The following GNB3 variants were observed in gnomAD, a reference collection of about 807,000 sequenced individuals.
GNB3 encodes the protein G protein subunit beta 3, also known as guanine nucleotide-binding protein G(I)/G(S)/G(T) subunit beta-3.
GNB3 carries 33 observed loss-of-function variants against 41.2 expected under a neutral mutation model. That is an observed-to-expected ratio of 0.80 (90% CI 0.61 to 1.07). The LOEUF (loss-of-function observed/expected upper bound fraction) is 1.07. GNB3 is among the 50% of genes least tolerant of loss of function. GNB3 has a pLI of 0.00. For missense variants in GNB3, 409 were observed against 455.3 expected (o/e 0.90, Z 0.92); for synonymous variants, 172 against 173.4 (o/e 0.99, Z 0.06).
chr12:6,843,949 G>A lies in GNB3; in HGVS notation c.670G>A (p.Gly224Ser). ...GGGGACCTGCCGTCAGACTTTCACT[G>A]GCCACGAGTCGGACATCAACGCCAT... is the stretch of plus-strand genomic sequence containing the variant. ...REGTCRQTFTGHESDINAICF... is the reference protein window; with the variant it reads ...REGTCRQTFTSHESDINAICF... The change falls in exon 8 of 10, where the codon GGC (glycine) becomes AGC (serine). Residue 224 changes from glycine (G) to serine (S), a missense_variant. Transcript: ENST00000229264. The surrounding 1 kb of genome is among the most constrained non-coding windows in gnomAD (Gnocchi z 5.9). 2 of 1,613,396 alleles carry A rather than the reference G, an allele frequency of 1.2e-6. No homozygotes were observed. The highest frequency in any genetic ancestry group is 8.5e-7 in the Non-Finnish European group (1 of 1,179,556).
At chr12:6,841,963 T>G in intron 3 of GNB3, 1 of 435,964 alleles carries the variant, frequency 2.3e-6, no homozygotes, top group East Asian at 5.0e-5. Context: ...ATTTTGTCAA[T>G]TCTAAGATGC....
At chr12:6,845,494 G>T (rs1943669479) in intron 8 of GNB3, 92 bp from the exon 9 acceptor site, 3 of 818,198 alleles carry the variant, frequency 3.7e-6, no homozygotes, top group Non-Finnish European at 6.0e-6. Flanking sequence ...GCAGCGGCTT[G>T]CCCTGGAGCT....
intron 1 of GNB3, 109 bp from the exon 2 acceptor site, chr12:6,841,149 G>A (rs1943566083): frequency 9.9e-6 from 7 of 707,036 alleles, no homozygotes; most frequent in Non-Finnish European, 1.7e-5. Context: ...TGGGGAGAGG[G>A]TGCAGCCACC....
At position 6,843,085 on chromosome 12, in the gene GNB3, TGGG is replaced by T. The variant is rs545677946; in HGVS notation, c.203+14_203+16del. 8 of 1,604,028 alleles carry T rather than the reference TGGG, an allele frequency of 5.0e-6. No individual in the cohort carries two copies. Among genetic ancestry groups the T allele is most frequent in the Non-Finnish European group, 5.1e-6 (6 of 1,171,990 alleles). On this transcript the variant is annotated intron_variant, in intron 4 of 9. Coordinates refer to ENST00000229264, the MANE Select transcript of GNB3 (RefSeq NM_002075.4). This position sits in a 1 kb window ranked among gnomAD's most constrained non-coding sequence, Gnocchi z 5.9. ...TGGGCCACTGATTCTAAGTGAGGCT[TGGG>T]GGGGAACCGAGAATGGGAGGGTGAG...
intron 2 of GNB3, 29 bp downstream of exon 2, chr12:6,841,373 C>T (rs782242015): frequency 6.9e-6 from 11 of 1,600,482 alleles, no homozygotes; most frequent in South Asian, 6.7e-5. Context: ...CCCTGGGGCC[C>T]CAGAAAACAG....
chr12:6,845,937 C>T lies in GNB3; in HGVS notation c.916+135C>T, dbSNP rs1233872103. 5 of 675,218 alleles carry T rather than the reference C, an allele frequency of 7.4e-6. No homozygotes were observed. The African/African-American group carries it at 8.9e-5, about 12-fold the overall frequency. The allele number at this position is 675,218 out of a possible 1,614,324, so 41.8% of individuals were successfully genotyped here. On this transcript the variant is annotated intron_variant, in intron 9 of 9. Coordinates refer to ENST00000229264, the MANE Select transcript of GNB3 (RefSeq NM_002075.4). ...TCCCTTGTCACTGGGTGACTCCACC[C>T]CTGGAATCCAGTACCCCTTGGTTCC...
Position 6,845,632 on chromosome 12 carries a change from C to T in GNB3, c.746C>T (p.Ser249Phe). 2 of 1,613,716 alleles carry T rather than the reference C, an allele frequency of 1.2e-6. No individual in the cohort carries two copies. The highest frequency in any genetic ancestry group is 1.7e-6 in the Non-Finnish European group (2 of 1,179,978). Residue 249 changes from serine (S) to phenylalanine (F), a missense_variant, in exon 9 of 10, where the codon TCC becomes TTC. By Grantham distance (155) the Ser-to-Phe change is radical. Transcript: ENST00000229264. The stretch of plus-strand genomic sequence containing the variant: ...ATCTGCACGGGCTCGGATGACGCTT[C>T]CTGCCGCTTGTTTGACCTGCGGGCA... ...EAICTGSDDASCRLFDLRADQ... is the reference protein window; with the variant it reads ...EAICTGSDDAFCRLFDLRADQ...
chr12:6,841,368 G>C, intron 2 of GNB3, 24 bp downstream of exon 2: 5 of 1,607,810 alleles, frequency 3.1e-6, no homozygotes, highest in Non-Finnish European at 4.3e-6. Context: ...CCTACCCCTG[G>C]GGCCCCAGAA....
At position 6,841,640 on chromosome 12, in the gene GNB3, C is replaced by G. The variant is rs371123230; in HGVS notation, c.96+16C>G. 1,768 of 1,603,880 alleles carry G rather than the reference C, an allele frequency of 1.1e-3. 1 individual carries two copies. Among genetic ancestry groups the G allele is most frequent in the Non-Finnish European group, 1.4e-3 (1,666 of 1,172,000 alleles). The stretch of plus-strand genomic sequence containing the variant: ...TCTGGCAGAGGTAAGACCCCCTGTC[C>G]CCCGGAAGGCAGGGCATGGGGGGAG... On this transcript the variant is annotated intron_variant, in intron 3 of 9. Transcript: ENST00000229264.
chr12:6,842,830 G>C (rs945034424), intron 3 of GNB3, 140 bp from the exon 4 acceptor site: 2 of 584,162 alleles, frequency 3.4e-6, no homozygotes, highest in African/African-American at 3.7e-5. Context: ...GACACTCCAG[G>C]GCAGAGACTT....
chr12:6,841,666 G>A (rs375208427), intron 3 of GNB3, 42 bp downstream of exon 3: 92 of 1,516,222 alleles, frequency 6.1e-5, no homozygotes, highest in Non-Finnish European at 7.9e-5. Flanking sequence ...ATGGGGGGAG[G>A]GGAAGGGAGC....
At position 6,843,188 on chromosome 12, in the gene GNB3, C is replaced by T; in HGVS notation, c.218C>T (p.Ala73Val). 6.2e-7 allele frequency: 1 copy of T among 1,613,876 alleles called. No homozygotes were observed. The part of the protein sequence containing the change: ...WATDSKLLVS[A>V]SQDGKLIVWD... ...CCTCTCCCCAGGCTGCTGGTAAGTG[C>T]CTCGCAAGATGGGAAGCTGATCGTG... is the stretch of plus-strand genomic sequence containing the variant. The change falls in exon 5 of 10, where the codon GCC (alanine) becomes GTC (valine). Residue 73 changes from alanine (A) to valine (V), a missense_variant. Ala to Val is a moderately conservative substitution (Grantham distance 64, BLOSUM62 0). Transcript: ENST00000229264. This position sits in a 1 kb window ranked among gnomAD's most constrained non-coding sequence, Gnocchi z 5.9.
Position 6,844,091 on chromosome 12 carries a change from GTATTTTTTTT to G in GNB3, c.699+115_699+124del, listed in dbSNP as rs1186271758. 2.2e-4 allele frequency: 56 copies of G among 258,824 alleles called. No homozygotes were observed. Among genetic ancestry groups the G allele is most frequent in the African/African-American group, 1.6e-3 (37 of 23,406 alleles). 16.0% of individuals were successfully genotyped at this position (258,824 alleles called of 1,614,324 possible). A position where few individuals can be genotyped will look rare whatever the true frequency, so the allele number is the denominator to read the frequency against. ...ATAGCTTCCCTAGCCCTTTCTTACTGTATTTTTTTTTTTTTTTTTTTTTTTTTTGAGACAG... is the reference window on the plus strand; with the variant it reads ...ATAGCTTCCCTAGCCCTTTCTTACTGTTTTTTTTTTTTTTTTTTGAGACAG... On this transcript the variant is annotated intron_variant, in intron 8 of 9. Transcript: ENST00000229264.
intron 9 of GNB3, 86 bp downstream of exon 9, chr12:6,845,888 C>T: frequency 2.2e-6 from 2 of 906,774 alleles, no homozygotes; most frequent in Non-Finnish European, 3.6e-6. Flanking sequence ...CCATCAGCTC[C>T]CATTTCGGAC....
chr12:6,841,750 A>C lies in GNB3; in HGVS notation c.96+126A>C, dbSNP rs781977411. ...CTTGGAGTGAGGAAACCCATTAATT[A>C]ATTCATTCGACCAACATTTTAGCGG... On this transcript the variant is annotated intron_variant, in intron 3 of 9. Coordinates refer to ENST00000229264, the MANE Select transcript of GNB3 (RefSeq NM_002075.4). 1.1e-5 allele frequency: 8 copies of C among 754,174 alleles called. No individual in the cohort carries two copies. The South Asian group carries it at 1.2e-4, about 11-fold the overall frequency. The allele number at this position is 754,174 out of a possible 1,614,324, so 46.7% of individuals were successfully genotyped here. A position where few individuals can be genotyped will look rare whatever the true frequency, so the allele number is the denominator to read the frequency against.
At position 6,843,802 on chromosome 12, in the gene GNB3, C is replaced by T; in HGVS notation, c.523C>T (p.Gln175Ter). 6.2e-7 allele frequency: 1 copy of T among 1,614,028 alleles called. No individual in the cohort carries two copies. The highest frequency in any genetic ancestry group is 1.1e-5 in the South Asian group (1 of 91,082). The change falls in exon 8 of 10, where the codon CAG (glutamine) becomes TAG (stop). Residue 175 changes from glutamine to a stop codon, truncating the protein, a stop_gained. Transcript: ENST00000229264. LOFTEE classifies it high-confidence loss of function. The surrounding 1 kb of genome is among the most constrained non-coding windows in gnomAD (Gnocchi z 5.9). ...TCALWDIETGQQKTVFVGHTG... is the reference protein window; with the variant it reads ...TCALWDIETG ...TGCCTTGTGGGACATTGAGACTGGG[C>T]AGCAGAAGACTGTATTTGTGGGACA...
At chr12:6,845,065 A>T (rs1209575501) in intron 8 of GNB3, 1 of 152,856 alleles carries the variant, frequency 6.5e-6, no homozygotes, top group Non-Finnish European at 1.5e-5. Flanking sequence ...TCCTCGCCAT[A>T]TCTTTTTCGT....
rs1943605477 is a variant in GNB3, at chr12:6,843,122, T to G, written c.203+46T>G. ...GAGAATGGGAGGGTGAGAGCGGGAG[T>G]GAGGAAGGCGGGAAGGGGAGGCTTG... is the stretch of plus-strand genomic sequence containing the variant. On this transcript the variant is annotated intron_variant, in intron 4 of 9. Transcript: ENST00000229264. This position sits in a 1 kb window ranked among gnomAD's most constrained non-coding sequence, Gnocchi z 5.9. 6.2e-7 allele frequency: 1 copy of G among 1,602,244 alleles called. No homozygotes were observed. Among genetic ancestry groups the G allele is most frequent in the African/African-American group, 1.4e-5 (1 of 73,790 alleles).
At chr12:6,846,581 C>T (rs1382905943) in intron 9 of GNB3, 10 of 469,058 alleles carry the variant, frequency 2.1e-5, no homozygotes, top group Admixed American at 3.5e-5. Context: ...CCCAGTCTAC[C>T]GAGTCTAGGA....
Sources: allele counts gnomAD v4.1 joint callset, GRCh38; gene constraint gnomAD v4.1.1; non-coding constraint Gnocchi (gnomAD v3.1); transcripts MANE v1.5; gene names NCBI Gene and HGNC (gene_info 2026-07-23, HGNC 2026-07-21).